YAP1: variants seen among roughly 807,000 people sequenced by gnomAD.
YAP1 encodes the protein transcriptional coactivator YAP1.
YAP1 carries 5 observed loss-of-function variants against 56.9 expected under a neutral mutation model. The observed-to-expected ratio is 0.09, with a 90% confidence interval of 0.05 to 0.18. The LOEUF is 0.18. YAP1 is among the 10% of genes least tolerant of loss of function. YAP1 has a pLI of 1.00. For synonymous variants in YAP1, 265 were observed against 248.1 expected, an observed-to-expected ratio of 1.07 and a Z score of -0.64; for missense variants, 539 against 651.8, an observed-to-expected ratio of 0.83 and a Z score of 1.88.
chr11:102,163,840 T>G (rs1591285982), intron 3 of YAP1, among the ~76,000 whole-genome samples: 1 of 152,142 alleles, frequency 6.6e-6, no homozygotes, highest in South Asian at 2.1e-4. Flanking sequence ...ACCTCTGCTC[T>G]TGCTTTTGGT....
At chr11:102,202,398 C>T (rs1331971883) in intron 4 of YAP1, among the ~76,000 whole-genome samples, 3 of 146,908 alleles carry the variant, frequency 2.0e-5, no homozygotes, top group South Asian at 2.1e-4. Flanking sequence ...CCCGGATGGT[C>T]GTGATCTTCT....
At chr11:102,182,062 C>T (rs759322633) in intron 3 of YAP1, among the ~76,000 whole-genome samples, 2 of 151,802 alleles carry the variant, frequency 1.3e-5, no homozygotes, top group Non-Finnish European at 2.9e-5. Flanking sequence ...CCTCGTGATC[C>T]CCTGCCTCAG....
At chr11:102,123,579 C>T (rs572553816) in intron 2 of YAP1, among the ~76,000 whole-genome samples, 1 of 151,082 alleles carries the variant, frequency 6.6e-6, no homozygotes, top group South Asian at 2.1e-4. Flanking sequence ...TTGGTTGTAG[C>T]ATTTAAGCTT....
In YAP1 at chr11:102,189,399, G is replaced by A. The variant is rs142410530; in HGVS notation, c.802+3268G>A. ...TAAACTGATCTTTAATGTTATTTTC[G>A]CTATTGTTTATATTATAAAAAGATG... is the stretch of plus-strand genomic sequence containing the variant. On this transcript the variant is annotated intron_variant, in intron 4 of 8. Transcript: ENST00000282441. Among the ~76,000 whole-genome samples, 845 of 152,026 alleles carry A rather than the reference G, an allele frequency of 5.6e-3. 8 individuals carry two copies. The highest frequency in any genetic ancestry group is 0.019 in the African/African-American group (807 of 41,470).
At chr11:102,196,946 G>A (rs1948605185) in intron 4 of YAP1, among the ~76,000 whole-genome samples, 1 of 152,066 alleles carries the variant, frequency 6.6e-6, no homozygotes, top group Non-Finnish European at 1.5e-5. Context: ...TACATTTTAT[G>A]TTTAAGTAGA....
chr11:102,229,131 C>T, intron 8 of YAP1, among the ~76,000 whole-genome samples: 1 of 152,172 alleles, frequency 6.6e-6, no homozygotes, highest in Non-Finnish European at 1.5e-5. Flanking sequence ...AAAAAAGGCT[C>T]TGTGGCCAAG....
chr11:102,206,382 A>T (rs1949120703), intron 5 of YAP1, among the ~76,000 whole-genome samples: 1 of 152,198 alleles, frequency 6.6e-6, no homozygotes, highest in South Asian at 2.1e-4. Flanking sequence ...GGAATTGTGG[A>T]TTGCTGTTTT....
intron 2 of YAP1, among the ~76,000 whole-genome samples, chr11:102,154,839 C>A (rs1382746376): frequency 6.6e-6 from 1 of 152,110 alleles, no homozygotes; most frequent in Admixed American, 6.6e-5. Context: ...GCCATAAATA[C>A]GCAATGGATA....
At chr11:102,206,570 G>C (rs536966317) in intron 5 of YAP1, among the ~76,000 whole-genome samples, 1 of 152,334 alleles carries the variant, frequency 6.6e-6, no homozygotes, top group South Asian at 2.1e-4. Flanking sequence ...CTTTGGCCAG[G>C]TGCGGTGGCT....
At chr11:102,182,478 A>G (rs1218750316) in intron 3 of YAP1, among the ~76,000 whole-genome samples, 2 of 152,060 alleles carry the variant, frequency 1.3e-5, no homozygotes, top group South Asian at 2.1e-4. Flanking sequence ...AAAACATATC[A>G]CTTTTTGCTT....
Position 102,110,996 on chromosome 11 carries a change from G to T in YAP1, c.148G>T (p.Ala50Ser), listed in dbSNP as rs1268956234. The T allele has an allele frequency of 1.3e-6, 2 of 1,562,688 alleles. No individual in the cohort carries two copies. The highest frequency in any genetic ancestry group is 1.7e-6 in the Non-Finnish European group (2 of 1,157,352). ...CCAGGCGGCGCCGCAGGCACCCCCC[G>T]CCGGGCATCAGATCGTGCACGTCCG... Reference protein sequence around the residue: ...ATQAAPQAPPAGHQIVHVRGD... With the variant: ...ATQAAPQAPPSGHQIVHVRGD... Residue 50 changes from alanine to serine, a missense_variant, in exon 1 of 9, where the codon GCC becomes TCC. By Grantham distance (99) the Ala-to-Ser change is moderately conservative. Coordinates refer to ENST00000282441, the MANE Select transcript of YAP1 (RefSeq NM_001130145.3).
intron 2 of YAP1, among the ~76,000 whole-genome samples, chr11:102,132,986 C>T (rs910394709): frequency 3.3e-5 from 5 of 151,858 alleles, no homozygotes; most frequent in Admixed American, 2.6e-4. Flanking sequence ...GGTGAAACCC[C>T]GTCTCTACTA....
At chr11:102,118,322 A>T (rs994877334) in intron 2 of YAP1, among the ~76,000 whole-genome samples, 2 of 152,196 alleles carry the variant, frequency 1.3e-5, no homozygotes, top group African/African-American at 2.4e-5. Flanking sequence ...TATATTGAGT[A>T]GCTTGGTATA....
chr11:102,124,768 C>A (rs1338051437), intron 2 of YAP1, among the ~76,000 whole-genome samples: 1 of 152,108 alleles, frequency 6.6e-6, no homozygotes, highest in Non-Finnish European at 1.5e-5. Flanking sequence ...GGCGGTCTCA[C>A]TCTGCTGCCC....
At chr11:102,169,782 T>C (rs1946802332) in intron 3 of YAP1, among the ~76,000 whole-genome samples, 1 of 152,054 alleles carries the variant, frequency 6.6e-6, no homozygotes, top group African/African-American at 2.4e-5. Context: ...TTAAGAAGCT[T>C]GGTTTGTTTT....
intron 2 of YAP1, among the ~76,000 whole-genome samples, chr11:102,121,663 AGGATATAGGG>A (rs1300756771): frequency 1.3e-5 from 2 of 152,174 alleles, no homozygotes; most frequent in African/African-American, 4.8e-5. Context: ...GTATATATAT[AGGATATAGGG>A]TTGGGTACTA....
intron 4 of YAP1, among the ~76,000 whole-genome samples, chr11:102,196,893 G>A (rs899718284): frequency 6.6e-6 from 1 of 152,078 alleles, no homozygotes; most frequent in Non-Finnish European, 1.5e-5. Flanking sequence ...GTAAAAGATA[G>A]CTTTTCAGTG....
intron 2 of YAP1, among the ~76,000 whole-genome samples, chr11:102,149,977 CTTTTTTTTTTTTTTT>C (rs386374692): frequency 6.0e-5 from 3 of 50,290 alleles, no homozygotes; most frequent in African/African-American, 2.2e-4. Flanking sequence ...GAGTAGTGTG[CTTTTTTTTTTTTTTT>C]TTTTTTTTTT....
intron 2 of YAP1, among the ~76,000 whole-genome samples, chr11:102,115,146 T>C (rs1943200482): frequency 6.6e-6 from 1 of 152,184 alleles, no homozygotes; most frequent in Non-Finnish European, 1.5e-5. Flanking sequence ...ATAAATAGAA[T>C]TTTCTCTCCT....
Sources: allele counts gnomAD v4.1 joint callset (sites outside exome capture counted in the v4.1 genomes callset), GRCh38; gene constraint gnomAD v4.1.1; transcripts MANE v1.5; gene names NCBI Gene and HGNC (gene_info 2026-07-23, HGNC 2026-07-21).